The following RGS6 variants were observed in gnomAD, a reference collection of about 807,000 sequenced individuals.
RGS6 encodes the protein regulator of G protein signaling 6.
A neutral mutation model predicts 78.5 loss-of-function variants in RGS6; 30 were observed. The observed-to-expected ratio is 0.38, with a 90% confidence interval of 0.29 to 0.52. The LOEUF (loss-of-function observed/expected upper bound fraction) is 0.52, where lower values mean the gene tolerates loss of function less well. RGS6 is among the 20% of genes least tolerant of loss of function. The pLI is 0.85. For synonymous variants in RGS6, 206 were observed against 206.0 expected, an observed-to-expected ratio of 1.00 and a Z score of 0.00; for missense variants, 495 against 609.7, an observed-to-expected ratio of 0.81 and a Z score of 1.98.
At chr14:72,398,413 T>G (rs2091830994) in intron 3 of RGS6, among the ~76,000 whole-genome samples, 2 of 152,214 alleles carry the variant, frequency 1.3e-5, no homozygotes, top group African/African-American at 4.8e-5. Context: ...TTTATCATTT[T>G]TTATTACATC....
the RGS6 span, among the ~76,000 whole-genome samples, chr14:71,920,547 G>T: frequency 6.6e-6 from 1 of 152,182 alleles, no homozygotes; most frequent in Non-Finnish European, 1.5e-5. Context: ...AGAATGCAGA[G>T]AAATAGAAAT....
chr14:71,962,245 C>T (rs1403451511), intron 1 of RGS6, among the ~76,000 whole-genome samples: 1 of 152,122 alleles, frequency 6.6e-6, no homozygotes, highest in African/African-American at 2.4e-5. Context: ...GAACATCAGC[C>T]TGTTTTAACA....
chr14:72,588,188 CA>C, the RGS6 span, among the ~76,000 whole-genome samples: 2 of 152,150 alleles, frequency 1.3e-5, no homozygotes, highest in Non-Finnish European at 2.9e-5. Flanking sequence ...AGATAGCCCC[CA>C]GGGGTTCCCA....
At chr14:71,911,486 C>T in the RGS6 span, among the ~76,000 whole-genome samples, 21 of 152,160 alleles carry the variant, frequency 1.4e-4, no homozygotes, top group African/African-American at 4.8e-4. Context: ...TACACAGGCA[C>T]CTCATCCTTG....
chr14:72,089,539 A>G (rs1452104352), intron 2 of RGS6, among the ~76,000 whole-genome samples: 1 of 152,172 alleles, frequency 6.6e-6, no homozygotes, highest in East Asian at 1.9e-4. Flanking sequence ...TATCTGCTCT[A>G]TCCAATTTGT....
intron 15 of RGS6, among the ~76,000 whole-genome samples, chr14:72,525,510 G>A (rs751669742): frequency 5.9e-5 from 9 of 152,224 alleles, no homozygotes; most frequent in Non-Finnish European, 1.2e-4. Flanking sequence ...CATCCGCCAT[G>A]AGCAGACAAG....
intron 2 of RGS6, among the ~76,000 whole-genome samples, chr14:71,977,787 C>A (rs2094215511): frequency 6.6e-6 from 1 of 151,856 alleles, no homozygotes; most frequent in South Asian, 2.1e-4. Context: ...TAGTTTTTTC[C>A]AATTCTGTGA....
intron 2 of RGS6, among the ~76,000 whole-genome samples, chr14:72,165,777 T>C (rs1405571279): frequency 6.6e-6 from 1 of 152,152 alleles, no homozygotes; most frequent in Non-Finnish European, 1.5e-5. Flanking sequence ...GAATCATTCT[T>C]TATTGTGCCT....
the RGS6 span, among the ~76,000 whole-genome samples, chr14:71,888,367 G>A: frequency 9.8e-5 from 12 of 122,890 alleles, no homozygotes; most frequent in Non-Finnish European, 1.6e-4. Context: ...GCAGTGAGCC[G>A]AGACCCTGTC....
At chr14:72,406,309 G>A (rs562555863) in intron 3 of RGS6, among the ~76,000 whole-genome samples, 120 of 152,208 alleles carry the variant, frequency 7.9e-4, no homozygotes, top group Middle Eastern at 3.4e-3. Context: ...GCTTGAACCC[G>A]GGAGGCAGAG....
intron 3 of RGS6, among the ~76,000 whole-genome samples, chr14:72,402,857 CATGA>C (rs2092587828): frequency 8.0e-6 from 1 of 125,120 alleles, no homozygotes; most frequent in Non-Finnish European, 1.6e-5. Context: ...AGTGCAATGG[CATGA>C]TCTTGGCTCA....
At chr14:71,904,318 C>T in the RGS6 span, among the ~76,000 whole-genome samples, 1 of 152,182 alleles carries the variant, frequency 6.6e-6, no homozygotes, top group Non-Finnish European at 1.5e-5. Context: ...TCACCCCTGA[C>T]ACAGGGATTG....
intron 2 of RGS6, among the ~76,000 whole-genome samples, chr14:72,121,443 C>T (rs2096050931): frequency 6.6e-6 from 1 of 152,202 alleles, no homozygotes; most frequent in African/African-American, 2.4e-5. Context: ...GGAATGCCAA[C>T]TGCCCACACA....
At chr14:72,527,749 G>A (rs1400257408) in intron 15 of RGS6, among the ~76,000 whole-genome samples, 1 of 152,124 alleles carries the variant, frequency 6.6e-6, no homozygotes, top group East Asian at 1.9e-4. Flanking sequence ...TTGGCTCCCA[G>A]TCCAGTTCCT....
intron 2 of RGS6, among the ~76,000 whole-genome samples, chr14:72,197,416 A>G (rs1189697521): frequency 6.6e-6 from 1 of 152,112 alleles, no homozygotes; most frequent in African/African-American, 2.4e-5. Flanking sequence ...CCTAGCTCAC[A>G]CTTCATTATA....
chr14:72,112,933 C>CAGAA (rs1314577346), intron 2 of RGS6, among the ~76,000 whole-genome samples: 1 of 152,214 alleles, frequency 6.6e-6, no homozygotes, highest in African/African-American at 2.4e-5. Context: ...ATATAAAGTT[C>CAGAA]ATTCCCCTGA....
the RGS6 span, among the ~76,000 whole-genome samples, chr14:72,593,802 A>G: frequency 6.6e-6 from 1 of 152,120 alleles, no homozygotes; most frequent in Non-Finnish European, 1.5e-5. Flanking sequence ...AAAAACAAAA[A>G]ATTATTGGGC....
chr14:72,022,126 T>C (rs1426747012), intron 2 of RGS6, among the ~76,000 whole-genome samples: 1 of 152,190 alleles, frequency 6.6e-6, no homozygotes, highest in Non-Finnish European at 1.5e-5. Flanking sequence ...TATGGCTGCA[T>C]AGTATTTCAT....
intron 2 of RGS6, among the ~76,000 whole-genome samples, chr14:72,218,359 C>T (rs1467289142): frequency 6.6e-6 from 1 of 150,922 alleles, no homozygotes; most frequent in African/African-American, 2.5e-5. Flanking sequence ...CAGACACTGA[C>T]TCACTGTGTT....
Sources: allele counts gnomAD v4.1 joint callset (sites outside exome capture counted in the v4.1 genomes callset), GRCh38; gene constraint gnomAD v4.1.1; transcripts MANE v1.5; gene names NCBI Gene and HGNC (gene_info 2026-07-23, HGNC 2026-07-21).